Variants in ACTR3 observed in about 807,000 individuals in gnomAD.
ACTR3 encodes actin-related protein 3.
Under a neutral mutation model 56.8 loss-of-function variants are expected in ACTR3, and 12 were observed. The ratio of observed to expected loss-of-function variants is 0.21; its 90% CI spans 0.14 to 0.34. ACTR3 has a LOEUF of 0.34. Ranked by LOEUF, ACTR3 falls within the 10% of genes least tolerant of loss-of-function variation. The pLI is 1.00. For synonymous variants in ACTR3, 162 were observed against 167.4 expected (o/e 0.97, Z 0.25); for missense variants, 282 against 512.5 (o/e 0.55, Z 4.34).
At chr2:113,910,173 T>C (rs1223865066) in intron 1 of ACTR3, among the ~76,000 whole-genome samples, 2 of 152,130 alleles carry the variant, frequency 1.3e-5, no homozygotes, top group African/African-American at 4.8e-5. Flanking sequence ...CCACTGGGGC[T>C]GAAGGTTAAG....
intron 3 of ACTR3, among the ~76,000 whole-genome samples, chr2:113,926,935 T>C (rs1408820203): frequency 6.6e-6 from 1 of 152,216 alleles, no homozygotes; most frequent in East Asian, 1.9e-4. Context: ...CTTTTTATAT[T>C]CGGCATACAA....
chr2:113,940,165 T>C, intron 7 of ACTR3, 63 bp downstream of exon 7: 1 of 1,434,008 alleles, frequency 7.0e-7, no homozygotes, highest in Non-Finnish European at 9.5e-7. Flanking sequence ...AACATTAACG[T>C]GAGAAATTTT....
At chr2:113,893,141 T>C (rs533932403) in intron 1 of ACTR3, among the ~76,000 whole-genome samples, 1 of 152,250 alleles carries the variant, frequency 6.6e-6, no homozygotes, top group East Asian at 1.9e-4. Context: ...AACCTGCTAT[T>C]AGTGGTGAGA....
At chr2:113,946,304 T>A (rs937774548) in intron 8 of ACTR3, among the ~76,000 whole-genome samples, 1 of 151,994 alleles carries the variant, frequency 6.6e-6, no homozygotes. Flanking sequence ...TTTTTTTTTC[T>A]TTTTAAATTG....
chr2:113,937,862 T>G (rs1038041496), intron 6 of ACTR3, among the ~76,000 whole-genome samples: 2 of 152,138 alleles, frequency 1.3e-5, no homozygotes, highest in African/African-American at 4.8e-5. Context: ...TCATTGAGCT[T>G]CTTGTATATA....
At chr2:113,922,090 A>G (rs1358550290) in intron 3 of ACTR3, among the ~76,000 whole-genome samples, 1 of 152,188 alleles carries the variant, frequency 6.6e-6, no homozygotes, top group Non-Finnish European at 1.5e-5. Context: ...GAATAGTTTT[A>G]GAAGAGTAGT....
chr2:113,927,583 C>A, intron 4 of ACTR3, 128 bp downstream of exon 4: 1 of 588,300 alleles, frequency 1.7e-6, no homozygotes, highest in Non-Finnish European at 3.0e-6. Flanking sequence ...TGTAATAAAG[C>A]TGTATCATCT....
intron 11 of ACTR3, 136 bp from the exon 12 acceptor site, chr2:113,957,224 A>T: frequency 1.8e-6 from 1 of 562,174 alleles, no homozygotes; most frequent in Non-Finnish European, 3.1e-6. Context: ...CTAAGCTTTC[A>T]TGCCATGAAT....
intron 1 of ACTR3, among the ~76,000 whole-genome samples, chr2:113,908,151 T>C (rs1679234837): frequency 6.6e-6 from 1 of 151,916 alleles, no homozygotes. Context: ...TTGAACTTTG[T>C]GTCACTGAAA....
At chr2:113,942,513 G>T (rs1227411971) in intron 8 of ACTR3, among the ~76,000 whole-genome samples, 154 bp downstream of exon 8, 1 of 151,950 alleles carries the variant, frequency 6.6e-6, no homozygotes, top group East Asian at 1.9e-4. Context: ...ACTTTTTAAA[G>T]AAAAAATTTG....
At chr2:113,903,749 C>T (rs1049389922) in intron 1 of ACTR3, among the ~76,000 whole-genome samples, 1 of 152,072 alleles carries the variant, frequency 6.6e-6, no homozygotes, top group African/African-American at 2.4e-5. Context: ...CCACTTCGGC[C>T]TCCCTAAGTG....
chr2:113,921,695 T>G (rs1007405698), intron 3 of ACTR3, among the ~76,000 whole-genome samples: 1 of 152,162 alleles, frequency 6.6e-6, no homozygotes, highest in Non-Finnish European at 1.5e-5. Flanking sequence ...CACTTTTGAC[T>G]GGGTAGTGTA....
intron 7 of ACTR3, among the ~76,000 whole-genome samples, chr2:113,940,606 A>G (rs576760872): frequency 2.6e-5 from 4 of 152,188 alleles, no homozygotes; most frequent in African/African-American, 9.6e-5. Context: ...CCATGTAAGT[A>G]TTATATCAGT....
intron 3 of ACTR3, among the ~76,000 whole-genome samples, chr2:113,923,746 T>C (rs79565037): frequency 6.8e-6 from 1 of 148,074 alleles, no homozygotes; most frequent in African/African-American, 2.5e-5. Context: ...TTTTTTTTTT[T>C]CTCTTCTCAT....
intron 3 of ACTR3, among the ~76,000 whole-genome samples, chr2:113,926,108 T>C (rs184208845): frequency 8.5e-5 from 13 of 152,330 alleles, no homozygotes; most frequent in Non-Finnish European, 1.9e-4. Flanking sequence ...TCTGTTAGGA[T>C]GCTTAGGCAT....
chr2:113,938,818 C>T (rs1679874152), intron 6 of ACTR3, among the ~76,000 whole-genome samples: 3 of 152,150 alleles, frequency 2.0e-5, no homozygotes, highest in Non-Finnish European at 1.5e-5. Flanking sequence ...GGCCTACAAA[C>T]TTCAGCCACT....
At chr2:113,914,827 C>G (rs1181891289) in intron 2 of ACTR3, among the ~76,000 whole-genome samples, 6 of 152,066 alleles carry the variant, frequency 3.9e-5, no homozygotes, top group Non-Finnish European at 7.4e-5. Context: ...TTCTTTAAAA[C>G]CCAGAATGGA....
At chr2:113,942,131 C>T (rs2104619673) in intron 7 of ACTR3, 55 bp from the exon 8 acceptor site, 2 of 1,351,532 alleles carry the variant, frequency 1.5e-6, no homozygotes, top group Admixed American at 3.0e-5. Context: ...TGCCATTCTT[C>T]TTTACTGTTC....
intron 10 of ACTR3, chr2:113,954,174 G>A (rs1339527378): frequency 6.6e-6 from 1 of 152,156 alleles, no homozygotes; most frequent in Non-Finnish European, 1.5e-5. Flanking sequence ...TTTGTCCTGT[G>A]TGTGAATTTT....
Sources: gnomAD v4.1 joint callset for allele counts (sites outside exome capture counted in the v4.1 genomes callset) on GRCh38, gnomAD v4.1.1 for gene constraint, MANE v1.5 for transcripts, NCBI Gene and HGNC (gene_info 2026-07-23, HGNC 2026-07-21) for gene names.